The following MALRD1 variants were observed in gnomAD, a reference collection of about 807,000 sequenced individuals.
MALRD1 encodes MAM and LDL receptor class A domain containing 1, also known as MAM and LDL-receptor class A domain-containing protein 1.
Under a neutral mutation model 242.1 loss-of-function variants are expected in MALRD1, and 247 were observed. That is an observed-to-expected ratio of 1.02 (90% CI 0.92 to 1.13). MALRD1 has a LOEUF of 1.13. Among genes scored for constraint, MALRD1 ranks in the 50% most tolerant of loss-of-function variants. The pLI, the probability that MALRD1 is intolerant of heterozygous loss-of-function variation, is 0.00. For missense variants in MALRD1, 2,989 were observed against 2,533.1 expected, an observed-to-expected ratio of 1.18 and a Z score of -3.86; for synonymous variants, 995 against 866.6, an observed-to-expected ratio of 1.15 and a Z score of -2.60.
chr10:19,414,420 T>C (rs1260396500), intron 28 of MALRD1, among the ~76,000 whole-genome samples: 4 of 152,176 alleles, frequency 2.6e-5, no homozygotes, highest in Admixed American at 6.6e-5. Flanking sequence ...GGCATAAAGA[T>C]CCTAAGTTTT....
intron 31 of MALRD1, among the ~76,000 whole-genome samples, chr10:19,517,851 G>A (rs958240136): frequency 1.1e-4 from 16 of 152,166 alleles, no homozygotes; most frequent in Non-Finnish European, 2.1e-4. Context: ...TTGGTCACTT[G>A]GTGCTTCTGA....
At chr10:19,327,076 T>G (rs892722892) in intron 22 of MALRD1, among the ~76,000 whole-genome samples, 1 of 152,114 alleles carries the variant, frequency 6.6e-6, no homozygotes, top group African/African-American at 2.4e-5. Context: ...GCAGCATAAA[T>G]AGATGCTCAC....
intron 33 of MALRD1, among the ~76,000 whole-genome samples, chr10:19,581,894 T>A (rs1240551058): frequency 6.6e-6 from 1 of 152,192 alleles, no homozygotes; most frequent in Admixed American, 6.5e-5. Context: ...GTTTCCTGAC[T>A]TTTTTAATGA....
chr10:19,734,013 G>A, intron 39 of MALRD1, 144 bp from the exon 40 acceptor site: 2 of 607,590 alleles, frequency 3.3e-6, no homozygotes, highest in Non-Finnish European at 5.6e-6. Flanking sequence ...GGCTGTAGGT[G>A]CTGGAAGAAG....
intron 26 of MALRD1, among the ~76,000 whole-genome samples, chr10:19,358,218 G>GTGTGTGTGTGTGTGTA (rs1844724684): frequency 6.6e-6 from 1 of 151,834 alleles, no homozygotes; most frequent in South Asian, 2.1e-4. Context: ...GTGTGTGTGT[G>GTGTGTGTGTGTGTGTA]TGTGTGTGTG....
chr10:19,709,243 T>TAAAAAAAAAAAAAAAAA (rs557818453), intron 38 of MALRD1, among the ~76,000 whole-genome samples: 5 of 105,972 alleles, frequency 4.7e-5, no homozygotes, highest in African/African-American at 1.8e-4. Flanking sequence ...CCGTCTGTAC[T>TAAAAAAAAAAAAAAAAA]AAAAAAAAAA....
At chr10:19,591,059 C>G (rs958395279) in intron 33 of MALRD1, among the ~76,000 whole-genome samples, 10 of 152,174 alleles carry the variant, frequency 6.6e-5, no homozygotes, top group African/African-American at 2.4e-4. Context: ...TTCATTCCTC[C>G]TTGCCCTACC....
intron 21 of MALRD1, among the ~76,000 whole-genome samples, chr10:19,283,648 T>C (rs1396732547): frequency 6.6e-6 from 1 of 152,148 alleles, no homozygotes; most frequent in African/African-American, 2.4e-5. Context: ...TGAACACAGG[T>C]AAATGTGCAG....
chr10:19,110,016 C>T (rs1027750835), intron 5 of MALRD1, among the ~76,000 whole-genome samples: 1 of 152,148 alleles, frequency 6.6e-6, no homozygotes, highest in African/African-American at 2.4e-5. Context: ...GGAGACAGGG[C>T]AGTAAAGATA....
At chr10:19,263,236 C>G (rs1839831481) in intron 19 of MALRD1, among the ~76,000 whole-genome samples, 1 of 152,132 alleles carries the variant, frequency 6.6e-6, no homozygotes, top group South Asian at 2.1e-4. Flanking sequence ...TTCATAATGG[C>G]TGTATCAATT....
chr10:19,506,110 T>G (rs981483403), intron 31 of MALRD1, among the ~76,000 whole-genome samples: 11 of 152,198 alleles, frequency 7.2e-5, no homozygotes, highest in African/African-American at 2.2e-4. Context: ...TTTGCCTGCA[T>G]GCTCAACCTA....
In MALRD1 at chr10:19,049,135, A is replaced by G; in HGVS notation, c.197A>G (p.His66Arg). Reference protein sequence around the residue: ...DQCGDSSDERHCLNYERCDFE... With the variant: ...DQCGDSSDERRCLNYERCDFE... ...TGTGGGGATAGCAGTGATGAACGGC[A>G]CTGTAAGTGACATTCTCCTTTCTCC... The change falls in exon 1 of 40, where the codon CAC (histidine) becomes CGC (arginine). Residue 66 changes from histidine (H) to arginine (R), a missense_variant and splice_region_variant. Physicochemically the swap from His to Arg is conservative, Grantham distance 29. Transcript: ENST00000454679. The G allele has an allele frequency of 8.1e-7, 1 of 1,233,856 alleles. No homozygotes were observed. The highest frequency in any genetic ancestry group is 4.2e-5 in the Admixed American group (1 of 23,728). 76.4% of individuals were successfully genotyped at this position (1,233,856 alleles called of 1,614,324 possible).
intron 29 of MALRD1, among the ~76,000 whole-genome samples, chr10:19,463,553 AGTGTGTGT>A (rs142025703): frequency 0.034 from 5,096 of 150,102 alleles, 220 homozygotes; most frequent in African/African-American, 0.1. Flanking sequence ...GTGGCTGAGT[AGTGTGTGT>A]GTGTGTGTGT....
intron 36 of MALRD1, among the ~76,000 whole-genome samples, chr10:19,679,334 G>A (rs997466591): frequency 6.6e-6 from 1 of 152,152 alleles, no homozygotes; most frequent in Admixed American, 6.5e-5. Context: ...CTCAATTTCA[G>A]AACTTGTTAT....
intron 28 of MALRD1, among the ~76,000 whole-genome samples, chr10:19,433,562 G>A (rs548606488): frequency 2.6e-5 from 4 of 152,154 alleles, no homozygotes; most frequent in Non-Finnish European, 4.4e-5. Flanking sequence ...CAGTTAGATG[G>A]CTTATTGGAC....
intron 31 of MALRD1, among the ~76,000 whole-genome samples, chr10:19,526,369 C>CATATATAT (rs776392530): frequency 2.3e-3 from 329 of 143,934 alleles, no homozygotes; most frequent in African/African-American, 7.7e-3. Flanking sequence ...AAAAAAAATA[C>CATATATAT]ATATATATAT....
At chr10:19,518,443 G>T (rs902702175) in intron 31 of MALRD1, among the ~76,000 whole-genome samples, 1 of 151,910 alleles carries the variant, frequency 6.6e-6, no homozygotes, top group African/African-American at 2.4e-5. Context: ...TATCTTTTAT[G>T]ATTTTCTTTT....
chr10:19,592,771 A>AC (rs1837882680), intron 33 of MALRD1, among the ~76,000 whole-genome samples: 1 of 150,112 alleles, frequency 6.7e-6, no homozygotes, highest in East Asian at 2.0e-4. Context: ...ACGCACGCAC[A>AC]CACACACACA....
At chr10:19,449,539 T>A (rs1320219507) in intron 28 of MALRD1, among the ~76,000 whole-genome samples, 1 of 149,506 alleles carries the variant, frequency 6.7e-6, no homozygotes, top group Non-Finnish European at 1.5e-5. Flanking sequence ...TTTGGTGAGA[T>A]AAACTATGTC....
Sources: gnomAD v4.1 joint callset for allele counts (sites outside exome capture counted in the v4.1 genomes callset) on GRCh38, gnomAD v4.1.1 for gene constraint, MANE v1.5 for transcripts, NCBI Gene and HGNC (gene_info 2026-07-23, HGNC 2026-07-21) for gene names.